The following NRXN3 variants were observed in gnomAD, a reference collection of about 807,000 sequenced individuals.
The protein encoded by NRXN3 is neurexin III.
NRXN3 carries 32 observed loss-of-function variants against 137.6 expected under a neutral mutation model. That is an observed-to-expected ratio of 0.23 (90% CI 0.18 to 0.31). NRXN3 has a LOEUF of 0.31. Among genes scored for constraint, NRXN3 ranks in the 10% least tolerant of loss-of-function variants. NRXN3 has a pLI of 1.00. For synonymous variants in NRXN3, 798 were observed against 784.5 expected, an observed-to-expected ratio of 1.02 and a Z score of -0.29; for missense variants, 1,574 against 2,062.5, an observed-to-expected ratio of 0.76 and a Z score of 4.59.
chr14:79,096,450 T>A (rs957898119), intron 15 of NRXN3, among the ~76,000 whole-genome samples: 19 of 152,252 alleles, frequency 1.2e-4, no homozygotes, highest in Admixed American at 5.9e-4. Context: ...TAAGTTATTA[T>A]CAACTAGCAT....
chr14:79,066,552 A>T (rs1279248518), intron 15 of NRXN3, among the ~76,000 whole-genome samples: 1 of 152,146 alleles, frequency 6.6e-6, no homozygotes, highest in Non-Finnish European at 1.5e-5. Flanking sequence ...TGGGAATAGC[A>T]TTGAATCTAT....
At chr14:79,058,643 G>A (rs1462584485) in intron 15 of NRXN3, among the ~76,000 whole-genome samples, 5 of 152,082 alleles carry the variant, frequency 3.3e-5, no homozygotes, top group Non-Finnish European at 5.9e-5. Context: ...AACTGTCATG[G>A]TATGTGATAT....
At chr14:78,376,949 A>T (rs1461055121) in intron 4 of NRXN3, among the ~76,000 whole-genome samples, 1 of 152,246 alleles carries the variant, frequency 6.6e-6, no homozygotes, top group Non-Finnish European at 1.5e-5. Context: ...ATGTAAAAAC[A>T]TTATGGACAA....
At chr14:78,364,941 A>C (rs1450183971) in intron 4 of NRXN3, among the ~76,000 whole-genome samples, 1 of 152,154 alleles carries the variant, frequency 6.6e-6, no homozygotes, top group Non-Finnish European at 1.5e-5. Flanking sequence ...TATCAAGAAG[A>C]CCATTTGAAA....
rs115867750 is a variant in NRXN3, at chr14:79,251,784, T to C, written c.3263-215437T>C. Among the ~76,000 whole-genome samples the C allele has an allele frequency of 1.6e-3, 240 of 152,130 alleles. 1 individual carries two copies. The highest frequency in any genetic ancestry group is 5.3e-3 in the African/African-American group (221 of 41,540). ...CAGGTTCATTGCACTATTACCCCCA[T>C]TTTTCTCTCTTTTATTCTCTCTTTT... is the stretch of plus-strand genomic sequence containing the variant. On this transcript the variant is annotated intron_variant, in intron 15 of 20. Transcript: ENST00000335750.
intron 15 of NRXN3, among the ~76,000 whole-genome samples, chr14:79,055,712 G>A (rs1017548458): frequency 6.6e-6 from 1 of 152,130 alleles, no homozygotes; most frequent in Non-Finnish European, 1.5e-5. Flanking sequence ...ATCATACCTA[G>A]CCAAGAAAAT....
chr14:78,498,642 C>T (rs1029428915), intron 4 of NRXN3, among the ~76,000 whole-genome samples: 2 of 152,122 alleles, frequency 1.3e-5, no homozygotes, highest in African/African-American at 4.8e-5. Context: ...TATGACTCAT[C>T]TTAGTGCAAA....
intron 4 of NRXN3, among the ~76,000 whole-genome samples, chr14:78,568,007 C>T (rs1333469008): frequency 6.6e-6 from 1 of 152,154 alleles, no homozygotes; most frequent in African/African-American, 2.4e-5. Context: ...CTCTCCTTCT[C>T]AGTTTTATTT....
intron 10 of NRXN3, among the ~76,000 whole-genome samples, chr14:78,816,334 A>G (rs961675055): frequency 6.6e-6 from 1 of 152,164 alleles, no homozygotes; most frequent in Non-Finnish European, 1.5e-5. Flanking sequence ...TTTCAGGGGT[A>G]GCCTATGAGT....
chr14:79,181,063 TATA>T (rs2062870298), intron 15 of NRXN3, among the ~76,000 whole-genome samples: 15 of 136,062 alleles, frequency 1.1e-4, no homozygotes, highest in Admixed American at 1.1e-3. Context: ...TGTGCATATA[TATA>T]TATATATATA....
intron 20 of NRXN3, among the ~76,000 whole-genome samples, chr14:79,818,362 G>A (rs1355199620): frequency 1.3e-5 from 2 of 152,084 alleles, no homozygotes; most frequent in Non-Finnish European, 2.9e-5. Context: ...CGCACTTGGG[G>A]TTTCTAGCTC....
At chr14:78,442,892 T>C (rs1332075663) in intron 4 of NRXN3, among the ~76,000 whole-genome samples, 3 of 152,242 alleles carry the variant, frequency 2.0e-5, no homozygotes, top group African/African-American at 7.2e-5. Context: ...CCTTTACAAC[T>C]TACAGATTAC....
intron 4 of NRXN3, among the ~76,000 whole-genome samples, chr14:78,462,617 G>A (rs1253649206): frequency 2.6e-5 from 4 of 152,128 alleles, no homozygotes; most frequent in African/African-American, 9.7e-5. Flanking sequence ...AAACTAAGAG[G>A]AGAATTCATG....
intron 15 of NRXN3, among the ~76,000 whole-genome samples, chr14:79,011,585 A>G (rs1386937911): frequency 6.6e-6 from 1 of 152,078 alleles, no homozygotes; most frequent in Non-Finnish European, 1.5e-5. Flanking sequence ...CCTTCTTGCA[A>G]TAAACTGTAT....
chr14:78,170,957 T>C (rs1297788620), intron 1 of NRXN3, among the ~76,000 whole-genome samples: 14 of 149,242 alleles, frequency 9.4e-5, no homozygotes, highest in African/African-American at 2.5e-4. Flanking sequence ...TTCTTCTTTT[T>C]TTTTTTTTTT....
At chr14:78,568,961 GTT>G (rs34485878) in intron 4 of NRXN3, among the ~76,000 whole-genome samples, 12 of 103,740 alleles carry the variant, frequency 1.2e-4, no homozygotes, top group African/African-American at 2.5e-4. Flanking sequence ...GACTTTGCAG[GTT>G]TTTTTTTTTT....
intron 19 of NRXN3, among the ~76,000 whole-genome samples, chr14:79,705,311 T>C (rs981857307): frequency 2.0e-5 from 3 of 152,142 alleles, no homozygotes; most frequent in African/African-American, 7.2e-5. Flanking sequence ...GCGTGGCATA[T>C]GGTTCTCCTC....
chr14:78,562,940 T>G (rs2096800868), intron 4 of NRXN3, among the ~76,000 whole-genome samples: 1 of 152,130 alleles, frequency 6.6e-6, no homozygotes, highest in Admixed American at 6.5e-5. Flanking sequence ...CTGTAATCAG[T>G]TGAGTGTTTT....
chr14:78,226,640 C>A (rs1205096732), intron 1 of NRXN3, among the ~76,000 whole-genome samples: 1 of 152,006 alleles, frequency 6.6e-6, no homozygotes, highest in African/African-American at 2.4e-5. Context: ...AATAAAGGAC[C>A]ATAAACATTC....
Sources: allele counts gnomAD v4.1 joint callset (sites outside exome capture counted in the v4.1 genomes callset), GRCh38; gene constraint gnomAD v4.1.1; transcripts MANE v1.5; gene names NCBI Gene and HGNC (gene_info 2026-07-23, HGNC 2026-07-21).